SGSM1: variants seen among roughly 807,000 people sequenced by gnomAD.
The protein encoded by SGSM1 is RUN and TBC1 domain containing 2.
In SGSM1, 73 loss-of-function variants were observed where a neutral mutation model predicts 133.8. The ratio of observed to expected loss-of-function variants is 0.55; its 90% confidence interval spans 0.45 to 0.66. SGSM1 has a LOEUF of 0.66. SGSM1 is among the 30% of genes least tolerant of loss of function. SGSM1 has a pLI of 0.00. For synonymous variants in SGSM1, 563 were observed against 573.0 expected, an observed-to-expected ratio of 0.98 and a Z score of 0.25; for missense variants, 1,213 against 1,448.1, an observed-to-expected ratio of 0.84 and a Z score of 2.64.
chr22:24,830,842 C>T (rs1346253930), intron 2 of SGSM1, among the ~76,000 whole-genome samples: 1 of 152,176 alleles, frequency 6.6e-6, no homozygotes, highest in Non-Finnish European at 1.5e-5. Context: ...GCTGATGCTG[C>T]TGGCCCATGA....
intron 2 of SGSM1, among the ~76,000 whole-genome samples, chr22:24,824,690 G>A (rs1216631181): frequency 6.6e-6 from 1 of 152,046 alleles, no homozygotes; most frequent in Non-Finnish European, 1.5e-5. Flanking sequence ...CCTTTACAGT[G>A]GGAGAAACTG....
chr22:24,902,109 A>G (rs1466906727), intron 20 of SGSM1, among the ~76,000 whole-genome samples, 152 bp downstream of exon 20: 2 of 152,198 alleles, frequency 1.3e-5, no homozygotes, highest in Non-Finnish European at 2.9e-5. Context: ...AAATTTAACA[A>G]CAATAATATA....
At chr22:24,815,566 C>A (rs968014973) in intron 2 of SGSM1, among the ~76,000 whole-genome samples, 3 of 152,118 alleles carry the variant, frequency 2.0e-5, no homozygotes, top group Non-Finnish European at 2.9e-5. Flanking sequence ...CATGGTGAAA[C>A]CCTGTCTCTA....
chr22:24,891,866 G>A (rs771836482), intron 16 of SGSM1, among the ~76,000 whole-genome samples: 6 of 152,134 alleles, frequency 3.9e-5, no homozygotes, highest in Non-Finnish European at 7.3e-5. Context: ...GGGAAGAGAA[G>A]ACAGCACAGG....
chr22:24,921,279 T>C (rs986668920), intron 24 of SGSM1, among the ~76,000 whole-genome samples: 5 of 152,102 alleles, frequency 3.3e-5, no homozygotes, highest in Non-Finnish European at 7.4e-5. Context: ...TTTATATTTT[T>C]AGTAGAGACA....
intron 8 of SGSM1, among the ~76,000 whole-genome samples, chr22:24,857,613 A>G (rs1930883592): frequency 6.6e-6 from 1 of 152,172 alleles, no homozygotes; most frequent in African/African-American, 2.4e-5. Flanking sequence ...ACATTAATTA[A>G]GATATTCTTC....
intron 12 of SGSM1, among the ~76,000 whole-genome samples, chr22:24,873,951 A>G (rs965899323): frequency 1.3e-5 from 2 of 151,784 alleles, no homozygotes; most frequent in Non-Finnish European, 3.0e-5. Flanking sequence ...TCCATGCCTC[A>G]GTTTTCTAAT....
chr22:24,899,436 A>G (rs552215190), intron 19 of SGSM1, among the ~76,000 whole-genome samples: 1 of 151,286 alleles, frequency 6.6e-6, no homozygotes, highest in African/African-American at 2.4e-5. Context: ...TGTGTCAGTC[A>G]TGTTTTCCTC....
At chr22:24,918,176 T>C (rs1378372071) in intron 23 of SGSM1, among the ~76,000 whole-genome samples, 1 of 152,162 alleles carries the variant, frequency 6.6e-6, no homozygotes, top group Non-Finnish European at 1.5e-5. Context: ...ACCTTGTTGC[T>C]ATTGTTCAGA....
intron 12 of SGSM1, chr22:24,874,725 A>C: frequency 9.0e-7 from 1 of 1,117,006 alleles, no homozygotes. Flanking sequence ...TCCAGCCTCC[A>C]CTCTATGGAA....
At chr22:24,855,819 A>G (rs2147853759) in intron 8 of SGSM1, 139 bp downstream of exon 8, 1 of 1,242,214 alleles carries the variant, frequency 8.1e-7, no homozygotes, top group Non-Finnish European at 1.2e-6. Context: ...CCCGCCCAAC[A>G]CTCATTCATC....
chr22:24,831,237 G>T (rs537991823), intron 2 of SGSM1, among the ~76,000 whole-genome samples: 1 of 151,878 alleles, frequency 6.6e-6, no homozygotes, highest in South Asian at 2.1e-4. Flanking sequence ...CCAGGAGGTG[G>T]AGCGAAGCAA....
chr22:24,868,722 G>A lies in SGSM1; in HGVS notation c.1159-1G>A, dbSNP rs767239158. The A allele has an allele frequency of 5.6e-6, 9 of 1,613,790 alleles. No individual in the cohort carries two copies. Among genetic ancestry groups the A allele is most frequent in the Non-Finnish European group, 7.6e-6 (9 of 1,179,798 alleles). On this transcript the variant is annotated splice_acceptor_variant, in intron 11 of 24. Transcript: ENST00000400358. LOFTEE classifies it high-confidence loss of function. ...CCTTGTTTTGGGACATGTTTTTGCA[G>A]GGCAAAGTGTTTCCTAAACTGCGCA... is the stretch of plus-strand genomic sequence containing the variant.
intron 10 of SGSM1, among the ~76,000 whole-genome samples, chr22:24,867,507 C>A (rs1226325713): frequency 6.6e-6 from 1 of 152,226 alleles, no homozygotes; most frequent in Non-Finnish European, 1.5e-5. Flanking sequence ...GTTATTCAGT[C>A]ATCACAGCCA....
intron 14 of SGSM1, among the ~76,000 whole-genome samples, chr22:24,880,477 C>T (rs1932261989): frequency 6.6e-6 from 1 of 152,150 alleles, no homozygotes; most frequent in Non-Finnish European, 1.5e-5. Context: ...GCCTGACAGC[C>T]TAGATGGGGA....
intron 2 of SGSM1, among the ~76,000 whole-genome samples, chr22:24,828,866 C>T (rs1013355515): frequency 2.6e-5 from 4 of 152,234 alleles, no homozygotes; most frequent in East Asian, 1.9e-4. Context: ...AAATGTGGTA[C>T]GTATGCACCA....
In SGSM1 at chr22:24,806,255, C is replaced by G; in HGVS notation, c.-71C>G. 2 of 1,349,674 alleles carry G rather than the reference C, an allele frequency of 1.5e-6. No homozygotes were observed. 83.6% of individuals were successfully genotyped at this position (1,349,674 alleles called of 1,614,324 possible). A position where few individuals can be genotyped will look rare whatever the true frequency, so the allele number is the denominator to read the frequency against. On this transcript the variant is annotated 5_prime_UTR_variant, in exon 1 of 25. Coordinates refer to ENST00000400358, the MANE Select transcript of SGSM1 (RefSeq NM_001098497.3). Reference sequence around the variant, plus strand: ...CCCGCCGCGGCTGCAGCAGCAGCGCCGCGGCCGGAGGAGCTACCGCCGCCA... The same window carrying G: ...CCCGCCGCGGCTGCAGCAGCAGCGCGGCGGCCGGAGGAGCTACCGCCGCCA...
intron 24 of SGSM1, among the ~76,000 whole-genome samples, chr22:24,921,775 C>T (rs1934016882): frequency 1.3e-5 from 2 of 151,750 alleles, no homozygotes; most frequent in African/African-American, 4.8e-5. Context: ...TCTCAGCTCA[C>T]TACAACCTCC....
intron 5 of SGSM1, 136 bp from the exon 6 acceptor site, chr22:24,854,860 T>C (rs1313561096): frequency 1.6e-6 from 1 of 644,880 alleles, no homozygotes; most frequent in Non-Finnish European, 2.8e-6. Flanking sequence ...TATATTATTA[T>C]TATCCCCATT....
Sources: gnomAD v4.1 joint callset for allele counts (sites outside exome capture counted in the v4.1 genomes callset) on GRCh38, gnomAD v4.1.1 for gene constraint, MANE v1.5 for transcripts, NCBI Gene and HGNC (gene_info 2026-07-23, HGNC 2026-07-21) for gene names.